Variants in FRAS1 observed in about 807,000 individuals in gnomAD.
FRAS1 encodes the protein Fraser extracellular matrix complex subunit 1, also known as extracellular matrix organizing protein FRAS1.
FRAS1 carries 290 observed loss-of-function variants against 435.2 expected under a neutral mutation model. The ratio of observed to expected loss-of-function variants is 0.67; its 90% CI spans 0.61 to 0.73. The LOEUF is 0.73. FRAS1 is among the 30% of genes least tolerant of loss of function. FRAS1 has a pLI of 0.00. For missense variants in FRAS1, 4,860 were observed against 5,001.5 expected (o/e 0.97, Z 0.85); for synonymous variants, 1,800 against 1,851.0 (o/e 0.97, Z 0.71).
intron 35 of FRAS1, among the ~76,000 whole-genome samples, chr4:78,428,490 T>G (rs1398416589): frequency 6.6e-6 from 1 of 152,042 alleles, no homozygotes; most frequent in Non-Finnish European, 1.5e-5. Flanking sequence ...GCCTGGCTAA[T>G]TTTTTGTATT....
chr4:78,094,355 G>C (rs1338958483), intron 2 of FRAS1, among the ~76,000 whole-genome samples: 1 of 151,912 alleles, frequency 6.6e-6, no homozygotes, highest in East Asian at 1.9e-4. Flanking sequence ...GAGGCAAACT[G>C]AATTAAAGTC....
At chr4:78,302,294 T>C (rs1728451990) in intron 14 of FRAS1, among the ~76,000 whole-genome samples, 1 of 151,806 alleles carries the variant, frequency 6.6e-6, no homozygotes, top group Non-Finnish European at 1.5e-5. Context: ...TTTGCTATTA[T>C]GAATAATGCC....
intron 14 of FRAS1, among the ~76,000 whole-genome samples, chr4:78,304,934 G>C (rs551215255): frequency 3.3e-5 from 5 of 152,164 alleles, no homozygotes; most frequent in Non-Finnish European, 2.9e-5. Context: ...TGCTTTTCTA[G>C]TTCTTTTAAT....
At chr4:78,095,414 A>G (rs946975934) in intron 2 of FRAS1, among the ~76,000 whole-genome samples, 1 of 152,200 alleles carries the variant, frequency 6.6e-6, no homozygotes, top group Non-Finnish European at 1.5e-5. Flanking sequence ...AAATCTCACT[A>G]TTATGTTATC....
intron 2 of FRAS1, among the ~76,000 whole-genome samples, chr4:78,120,019 G>C (rs1241995705): frequency 1.3e-5 from 2 of 152,064 alleles, no homozygotes; most frequent in Non-Finnish European, 2.9e-5. Context: ...ATGTCTCTTT[G>C]TTTGCTCCTT....
Position 78,446,721 on chromosome 4 carries a change from A to G in FRAS1, c.5857-6A>G. The G allele has an allele frequency of 6.2e-7, 1 of 1,611,664 alleles. No homozygotes were observed. Among genetic ancestry groups the G allele is most frequent in the Non-Finnish European group, 8.5e-7 (1 of 1,179,164 alleles). ...TGTGAGATCTAATAGTTTATGCTTT[A>G]ATCAGAGGAAGAACGATGAGCCTCC... On this transcript the variant is annotated splice_region_variant and splice_polypyrimidine_tract_variant and intron_variant, in intron 42 of 73. Transcript: ENST00000512123.
At chr4:78,265,289 A>G (rs1726295664) in intron 7 of FRAS1, among the ~76,000 whole-genome samples, 181 bp downstream of exon 7, 1 of 152,186 alleles carries the variant, frequency 6.6e-6, no homozygotes, top group Non-Finnish European at 1.5e-5. Flanking sequence ...AATTAAGTTG[A>G]AGAGGATTAG....
At chr4:78,489,967 A>AT (rs1720293668) in intron 59 of FRAS1, among the ~76,000 whole-genome samples, 1 of 135,554 alleles carries the variant, frequency 7.4e-6, no homozygotes, top group Non-Finnish European at 1.6e-5. Context: ...CTAGTGGAAA[A>AT]CAAAAAAAAA....
intron 58 of FRAS1, among the ~76,000 whole-genome samples, chr4:78,482,796 G>A (rs958662510): frequency 1.3e-5 from 2 of 152,100 alleles, no homozygotes; most frequent in African/African-American, 2.4e-5. Context: ...GTGTCTCCCT[G>A]TGGAATCAGA....
intron 2 of FRAS1, among the ~76,000 whole-genome samples, chr4:78,234,740 A>G (rs1029463733): frequency 6.6e-6 from 1 of 152,208 alleles, no homozygotes; most frequent in South Asian, 2.1e-4. Flanking sequence ...TATTTCCTAA[A>G]TGACTTTGGA....
intron 14 of FRAS1, among the ~76,000 whole-genome samples, chr4:78,297,119 C>T (rs1023079823): frequency 3.9e-5 from 6 of 152,206 alleles, no homozygotes; most frequent in Non-Finnish European, 5.9e-5. Flanking sequence ...GCAGTTGCCA[C>T]AAACTGGATA....
intron 50 of FRAS1, among the ~76,000 whole-genome samples, chr4:78,467,099 TTTAG>T (rs1719554727): frequency 6.6e-6 from 1 of 152,200 alleles, no homozygotes; most frequent in Non-Finnish European, 1.5e-5. Context: ...GTTATTCTCT[TTTAG>T]TTATTTTAAA....
In FRAS1 at chr4:78,478,073, C is replaced by T; in HGVS notation, c.8098+12C>T. On this transcript the variant is annotated intron_variant, in intron 55 of 73. Coordinates refer to ENST00000512123, the MANE Select transcript of FRAS1 (RefSeq NM_025074.7). ...TATTGAAAGAAAAGGTCTGTTGGTT[C>T]CACAGGTGACAAAGAGCTATAATAA... The T allele has an allele frequency of 6.5e-7, 1 of 1,549,856 alleles. No homozygotes were observed. Among genetic ancestry groups the T allele is most frequent in the Non-Finnish European group, 8.7e-7 (1 of 1,145,466 alleles).
intron 14 of FRAS1, among the ~76,000 whole-genome samples, chr4:78,301,430 G>A (rs1467295109): frequency 6.6e-6 from 1 of 151,982 alleles, no homozygotes; most frequent in East Asian, 1.9e-4. Flanking sequence ...TCTTAAAGGA[G>A]CAAGTTATAG....
At chr4:78,324,735 C>G (rs574728258) in intron 18 of FRAS1, among the ~76,000 whole-genome samples, 76 of 55,168 alleles carry the variant, frequency 1.4e-3, no homozygotes, top group African/African-American at 5.1e-3. Flanking sequence ...TTTTTTTCTG[C>G]ATGTCACACT....
At chr4:78,483,386 A>C (rs1266962940) in intron 58 of FRAS1, among the ~76,000 whole-genome samples, 1 of 152,184 alleles carries the variant, frequency 6.6e-6, no homozygotes, top group Non-Finnish European at 1.5e-5. Flanking sequence ...TGACGAAATT[A>C]GAATTGTCAG....
At chr4:78,371,154 AC>A in intron 23 of FRAS1, among the ~76,000 whole-genome samples, 1 of 144,878 alleles carries the variant, frequency 6.9e-6, no homozygotes, top group East Asian at 2.1e-4. Context: ...CAAGATTATC[AC>A]AAATCCACTC....
intron 59 of FRAS1, among the ~76,000 whole-genome samples, chr4:78,489,510 A>G (rs537509200): frequency 4.1e-4 from 62 of 152,342 alleles, no homozygotes; most frequent in Admixed American, 3.3e-4. Flanking sequence ...TCACTGTCTC[A>G]GGAGTAGAGA....
At chr4:78,339,156 G>A (rs1179565917) in intron 20 of FRAS1, among the ~76,000 whole-genome samples, 1 of 152,220 alleles carries the variant, frequency 6.6e-6, no homozygotes, top group Non-Finnish European at 1.5e-5. Flanking sequence ...ATGGGAGATA[G>A]TAGTGCCCAT....
Sources: gnomAD v4.1 joint callset for allele counts (sites outside exome capture counted in the v4.1 genomes callset) on GRCh38, gnomAD v4.1.1 for gene constraint, MANE v1.5 for transcripts, NCBI Gene and HGNC (gene_info 2026-07-23, HGNC 2026-07-21) for gene names.